The following TEX9 variants were observed in gnomAD, a reference collection of about 807,000 sequenced individuals.
TEX9 encodes the protein testis-expressed protein 9.
A neutral mutation model predicts 59.6 loss-of-function variants in TEX9; 74 were observed. The ratio of observed to expected loss-of-function variants is 1.24; its 90% confidence interval spans 1.03 to 1.51. The LOEUF is 1.51. Ranked by LOEUF, TEX9 falls within the 40% of genes most tolerant of loss-of-function variation. The pLI, the probability that TEX9 is intolerant of heterozygous loss-of-function variation, is 0.00. For synonymous variants in TEX9, 186 were observed against 152.2 expected (o/e 1.22, Z -1.64); for missense variants, 522 against 447.8 (o/e 1.17, Z -1.49).
chr15:56,433,703 A>T (rs1164526884), intron 12 of TEX9, among the ~76,000 whole-genome samples: 1 of 152,164 alleles, frequency 6.6e-6, no homozygotes, highest in Non-Finnish European at 1.5e-5. Context: ...AGATCTTAAT[A>T]TACAGCTTTT....
intron 1 of TEX9, among the ~76,000 whole-genome samples, chr15:56,308,061 GAC>G (rs2045523337): frequency 6.6e-6 from 1 of 152,124 alleles, no homozygotes; most frequent in Non-Finnish European, 1.5e-5. Context: ...TTTGTCCATG[GAC>G]ATATTTTCAG....
chr15:56,305,371 C>T (rs1176720648), intron 1 of TEX9, among the ~76,000 whole-genome samples: 3 of 152,142 alleles, frequency 2.0e-5, no homozygotes, highest in African/African-American at 7.2e-5. Context: ...TACCAGACTT[C>T]AAATTATATT....
intron 1 of TEX9, among the ~76,000 whole-genome samples, chr15:56,276,594 T>C (rs1389539906): frequency 3.9e-5 from 6 of 152,162 alleles, no homozygotes; most frequent in African/African-American, 1.4e-4. Flanking sequence ...GGCATTTGGG[T>C]TGGTCCAAGT....
At chr15:56,274,259 G>A (rs2141417055) in intron 1 of TEX9, among the ~76,000 whole-genome samples, 1 of 152,176 alleles carries the variant, frequency 6.6e-6, no homozygotes, top group South Asian at 2.1e-4. Flanking sequence ...GATGTTTTGA[G>A]TGCATTGAAA....
intron 3 of TEX9, among the ~76,000 whole-genome samples, chr15:56,379,613 G>T (rs2047630389): frequency 1.3e-5 from 2 of 152,152 alleles, no homozygotes; most frequent in African/African-American, 4.8e-5. Flanking sequence ...CTTTCTGGGA[G>T]ATCTGTCCAG....
intron 12 of TEX9, among the ~76,000 whole-genome samples, chr15:56,438,955 G>C (rs2050774709): frequency 6.6e-6 from 1 of 151,952 alleles, no homozygotes; most frequent in Non-Finnish European, 1.5e-5. Context: ...GGAAATTTTA[G>C]CCAGCATGTA....
Position 56,388,332 on chromosome 15 carries a change from T to A in TEX9, c.264-140T>A, listed in dbSNP as rs550495643. 4.3e-4 allele frequency: 265 copies of A among 616,150 alleles called. 1 individual carries two copies. The Middle Eastern group carries it at 8.8e-3, about 20-fold the overall frequency. 38.2% of individuals were successfully genotyped at this position (616,150 alleles called of 1,614,324 possible). A position where few individuals can be genotyped will look rare whatever the true frequency, so the allele number is the denominator to read the frequency against. ...GTTTATGGTACTCATTCAAAATAAA[T>A]TAACATGTGGGTAACTAGAATTATA... On this transcript the variant is annotated intron_variant, in intron 4 of 12. Transcript: ENST00000352903.
In TEX9 at chr15:56,414,490, G is replaced by A. The variant is rs561998166; in HGVS notation, c.963+2054G>A. On this transcript the variant is annotated intron_variant, in intron 10 of 12. Transcript: ENST00000352903. ...CTCCCACTTATAAGTGAAAACAAGC[G>A]GTATTCGGTTTTGTGTTCCTACATT... Among the ~76,000 whole-genome samples, 16 of 151,820 alleles carry A rather than the reference G, an allele frequency of 1.1e-4. No individual in the cohort carries two copies. The South Asian group carries it at 2.1e-3, about 20-fold the overall frequency.
chr15:56,262,553 G>C (rs1217134680), intron 1 of TEX9, among the ~76,000 whole-genome samples: 2 of 152,144 alleles, frequency 1.3e-5, no homozygotes, highest in African/African-American at 4.8e-5. Flanking sequence ...TTTTATATGT[G>C]CTTGAAAAGA....
chr15:56,443,957 C>G (rs1690275141), intron 12 of TEX9: 2 of 880,196 alleles, frequency 2.3e-6, no homozygotes, highest in Non-Finnish European at 3.3e-6. Context: ...ATAGTTTTTT[C>G]ATTCGTGCAT....
At position 56,351,240 on chromosome 15, in the gene TEX9, C is replaced by G. The variant is rs1460346054; in HGVS notation, c.-106-22201C>G. Among the ~76,000 whole-genome samples the G allele has an allele frequency of 2.7e-5, 4 of 150,590 alleles. No homozygotes were observed. In the East Asian group the frequency reaches 7.8e-4, roughly 29 times the overall value. The stretch of plus-strand genomic sequence containing the variant: ...AAGTAACGTTGTTCTGAAATTTATG[C>G]CAGGTTTCTGTTTATTGTTTCTAGG... On this transcript the variant is annotated intron_variant, in intron 1 of 5. Transcript: ENST00000560827.
At chr15:56,291,628 C>G (rs530270218) in intron 1 of TEX9, among the ~76,000 whole-genome samples, 1 of 152,170 alleles carries the variant, frequency 6.6e-6, no homozygotes, top group Non-Finnish European at 1.5e-5. Context: ...AGATGTCCAG[C>G]AGATCTCTCT....
rs760737591 is a variant in TEX9 at position 56,373,443 on chromosome 15, G to A, written c.122G>A (p.Arg41His). Residue 41 changes from arginine (R) to histidine (H), a missense_variant and splice_region_variant, in exon 3 of 13, where the codon CGT (arginine) becomes CAT (histidine). Physicochemically the swap from Arg to His is conservative, Grantham distance 29. Coordinates refer to ENST00000352903, the Ensembl canonical transcript of TEX9. ...TCCCAATTATTTTCTGCTTTTAGGC[G>A]TTTAAATGCAGAATTGCAGGCAAAA... The A allele has an allele frequency of 4.7e-5, 74 of 1,588,522 alleles. No homozygotes were observed. The Admixed American group carries it at 1.0e-3, about 21-fold the overall frequency.
At chr15:56,413,066 A>T (rs1317202531) in intron 10 of TEX9, among the ~76,000 whole-genome samples, 1 of 151,954 alleles carries the variant, frequency 6.6e-6, no homozygotes, top group Non-Finnish European at 1.5e-5. Context: ...GAAAGTTCAA[A>T]TACCAATGTT....
At chr15:56,363,668 TTTTC>T (rs1172748603), upstream of TEX9, among the ~76,000 whole-genome samples, 4 of 151,590 alleles carry the variant, frequency 2.6e-5, no homozygotes, top group Non-Finnish European at 5.9e-5. Context: ...TTTAAATTGT[TTTTC>T]TTTTTTTTTT....
At chr15:56,246,162 A>G (rs893243273) in intron 1 of TEX9, among the ~76,000 whole-genome samples, 3 of 152,320 alleles carry the variant, frequency 2.0e-5, no homozygotes, top group Non-Finnish European at 4.4e-5. Context: ...TGGGTTCCAT[A>G]AAAGAGCCAG....
chr15:56,277,549 C>T (rs750374810), intron 1 of TEX9, among the ~76,000 whole-genome samples: 1 of 152,132 alleles, frequency 6.6e-6, no homozygotes, highest in Non-Finnish European at 1.5e-5. Context: ...GTTTTGGTAC[C>T]AGTACTATGC....
intron 1 of TEX9, among the ~76,000 whole-genome samples, chr15:56,335,742 C>T (rs553208436): frequency 1.3e-5 from 2 of 152,068 alleles, no homozygotes; most frequent in East Asian, 1.9e-4. Context: ...ATATATGTAT[C>T]GAAGTATCTC....
chr15:56,457,769 C>T, the TEX9 span, among the ~76,000 whole-genome samples: 1 of 151,630 alleles, frequency 6.6e-6, no homozygotes, highest in Non-Finnish European at 1.5e-5. Context: ...AAGTCATGAT[C>T]ATGCCACTGC....
Sources: gnomAD v4.1 joint callset for allele counts (sites outside exome capture counted in the v4.1 genomes callset) on GRCh38, gnomAD v4.1.1 for gene constraint, MANE v1.5 for transcripts, NCBI Gene and HGNC (gene_info 2026-07-23, HGNC 2026-07-21) for gene names.